OPRM1: variants seen among roughly 807,000 people sequenced by gnomAD.
OPRM1 encodes the protein opioid receptor mu 1, also known as mu-type opioid receptor.
OPRM1 carries 27 observed loss-of-function variants against 31.8 expected under a neutral mutation model. The observed-to-expected ratio is 0.85, with a 90% CI of 0.63 to 1.17. The LOEUF is 1.17. OPRM1 is among the 50% of genes most tolerant of loss of function. The pLI is 0.00. For synonymous variants in OPRM1, 196 were observed against 189.9 expected, an observed-to-expected ratio of 1.03 and a Z score of -0.26; for missense variants, 536 against 511.1, an observed-to-expected ratio of 1.05 and a Z score of -0.47.
At chr6:154,089,788 C>A in intron 1 of OPRM1, 38 bp from the exon 2 acceptor site, 1 of 1,437,326 alleles carries the variant, frequency 7.0e-7, no homozygotes, top group Non-Finnish European at 9.7e-7. Context: ...ACACTAGTGT[C>A]TTTTACTGAT....
chr6:154,239,524 C>T (rs1780404093), intron 3 of OPRM1, among the ~76,000 whole-genome samples: 1 of 152,180 alleles, frequency 6.6e-6, no homozygotes, highest in Admixed American at 6.5e-5. Context: ...CCCCTTTGAT[C>T]CATGAGTCAT....
intron 1 of OPRM1, among the ~76,000 whole-genome samples, chr6:154,049,127 A>G (rs924498301): frequency 1.3e-5 from 2 of 152,310 alleles, no homozygotes; most frequent in Non-Finnish European, 2.9e-5. Context: ...CGTTGAACTC[A>G]TGGTTAACAG....
At chr6:154,194,268 G>A (rs747272259) in intron 3 of OPRM1, among the ~76,000 whole-genome samples, 6 of 152,004 alleles carry the variant, frequency 3.9e-5, no homozygotes, top group Non-Finnish European at 7.4e-5. Context: ...GCGTGGTGGC[G>A]CATGCCTGTA....
chr6:154,086,862 T>A (rs1790702873), intron 1 of OPRM1: 1 of 984,540 alleles, frequency 1.0e-6, no homozygotes, highest in African/African-American at 1.7e-5. Flanking sequence ...ATTTTCTCTT[T>A]TGGGGAGAAA....
At chr6:154,233,560 A>G (rs1371878895) in intron 3 of OPRM1, among the ~76,000 whole-genome samples, 1 of 152,218 alleles carries the variant, frequency 6.6e-6, no homozygotes, top group African/African-American at 2.4e-5. Context: ...TTTGGCTAGA[A>G]AAAAGGCCCA....
chr6:154,245,209 A>T (rs1780929984), intron 3 of OPRM1, among the ~76,000 whole-genome samples: 1 of 152,174 alleles, frequency 6.6e-6, no homozygotes, highest in African/African-American at 2.4e-5. Flanking sequence ...TGCCAGTGGA[A>T]AACTGCACAC....
intron 3 of OPRM1, chr6:154,214,066 G>C (rs1778186343): frequency 1.6e-6 from 1 of 643,044 alleles, no homozygotes; most frequent in African/African-American, 1.8e-5. Context: ...GTGTGAATAT[G>C]TCTGTCTCCA....
At chr6:154,093,357 A>G in intron 3 of OPRM1, 1 of 1,614,128 alleles carries the variant, frequency 6.2e-7, no homozygotes, top group Middle Eastern at 1.6e-4. Context: ...ACCTCTTGTC[A>G]GATATGACCT....
At chr6:154,056,461 G>C (rs1186921225) in intron 1 of OPRM1, among the ~76,000 whole-genome samples, 1 of 151,870 alleles carries the variant, frequency 6.6e-6, no homozygotes, top group African/African-American at 2.4e-5. Context: ...CATTAATGAC[G>C]ATTCTGTGGC....
At chr6:154,033,995 G>A (rs916823245) in intron 1 of OPRM1, among the ~76,000 whole-genome samples, 1 of 152,180 alleles carries the variant, frequency 6.6e-6, no homozygotes, top group Admixed American at 6.5e-5. Flanking sequence ...TCACAGACGT[G>A]CACTCACAGA....
intron 1 of OPRM1, among the ~76,000 whole-genome samples, chr6:154,045,636 G>A (rs1357306460): frequency 2.0e-5 from 3 of 152,076 alleles, no homozygotes; most frequent in Admixed American, 2.0e-4. Context: ...CCTTCACCTC[G>A]CCTTCTACCT....
At chr6:154,117,013 C>A (rs1020357961) in intron 3 of OPRM1, among the ~76,000 whole-genome samples, 1 of 152,192 alleles carries the variant, frequency 6.6e-6, no homozygotes, top group Non-Finnish European at 1.5e-5. Flanking sequence ...CCATCCTCCA[C>A]CCCACAGATG....
chr6:154,227,066 C>T lies in OPRM1; in HGVS notation c.1165-19627C>T, dbSNP rs147135940. ...TACAAAAATTAGCCAGGTGTGGTGG[C>T]GGACGCCTGTAATCCCAGCTACTTG... On this transcript the variant is annotated intron_variant, in intron 3 of 3. Transcript: ENST00000337049. Among the ~76,000 whole-genome samples the T allele has an allele frequency of 1.9e-3, 283 of 152,002 alleles. 2 individuals are homozygous for T. Among genetic ancestry groups the T allele is most frequent in the African/African-American group, 6.5e-3 (270 of 41,454 alleles).
chr6:154,179,789 A>ATT (rs141550500), intron 3 of OPRM1, among the ~76,000 whole-genome samples: 2 of 152,328 alleles, frequency 1.3e-5, no homozygotes, highest in East Asian at 3.9e-4. Context: ...GTTAAGAATA[A>ATT]AAGTTCACTT....
chr6:154,100,931 T>C (rs2128503380), intron 3 of OPRM1, among the ~76,000 whole-genome samples: 1 of 148,296 alleles, frequency 6.7e-6, no homozygotes, highest in South Asian at 2.1e-4. Flanking sequence ...TATTTACATA[T>C]TATATATATA....
At chr6:154,211,384 G>A (rs944174721) in intron 3 of OPRM1, among the ~76,000 whole-genome samples, 6 of 151,676 alleles carry the variant, frequency 4.0e-5, no homozygotes, top group Admixed American at 2.0e-4. Flanking sequence ...ACTCCAGGCC[G>A]GGTGACAGAG....
intron 1 of OPRM1, among the ~76,000 whole-genome samples, chr6:154,071,373 A>G (rs891279473): frequency 6.6e-6 from 1 of 152,208 alleles, no homozygotes; most frequent in Admixed American, 6.5e-5. Context: ...TGTAGCTACA[A>G]TGCCCCCTAA....
intron 3 of OPRM1, among the ~76,000 whole-genome samples, chr6:154,182,630 CT>C (rs1251538697): frequency 2.6e-5 from 4 of 152,106 alleles, no homozygotes; most frequent in Admixed American, 6.6e-5. Flanking sequence ...ATTTGATCGC[CT>C]TTTTTTCTTC....
intron 3 of OPRM1, among the ~76,000 whole-genome samples, chr6:154,146,980 A>T (rs1798374928): frequency 6.6e-6 from 1 of 152,200 alleles, no homozygotes; most frequent in East Asian, 1.9e-4. Context: ...GCAGCTCTGA[A>T]GTCCACATTG....
Sources: allele counts gnomAD v4.1 joint callset (sites outside exome capture counted in the v4.1 genomes callset), GRCh38; gene constraint gnomAD v4.1.1; transcripts MANE v1.5; gene names NCBI Gene and HGNC (gene_info 2026-07-23, HGNC 2026-07-21).